Variants in SLC8A1 observed in about 807,000 individuals in gnomAD.
SLC8A1 encodes solute carrier family 8 member A1.
A neutral mutation model predicts 68.3 loss-of-function variants in SLC8A1; 18 were observed. That is an observed-to-expected ratio of 0.26 (90% CI 0.18 to 0.39). The LOEUF is 0.39. SLC8A1 is among the 10% of genes least tolerant of loss of function. SLC8A1 has a pLI of 1.00. For missense variants in SLC8A1, 985 were observed against 1,156.7 expected (o/e 0.85, Z 2.15); for synonymous variants, 475 against 415.5 (o/e 1.14, Z -1.74).
chr2:40,307,824 G>T (rs572960336), intron 2 of SLC8A1, among the ~76,000 whole-genome samples: 2 of 152,114 alleles, frequency 1.3e-5, no homozygotes, highest in Admixed American at 6.6e-5. Context: ...CTTCCAGGGG[G>T]AAATGGATAG....
chr2:40,489,357 A>G (rs1705173870), intron 1 of SLC8A1, among the ~76,000 whole-genome samples: 1 of 152,176 alleles, frequency 6.6e-6, no homozygotes, highest in Non-Finnish European at 1.5e-5. Context: ...ACATGTATTA[A>G]GGTGAACATG....
intron 2 of SLC8A1, among the ~76,000 whole-genome samples, chr2:40,274,218 T>C (rs1364997688): frequency 2.0e-5 from 3 of 148,534 alleles, no homozygotes; most frequent in African/African-American, 7.5e-5. Flanking sequence ...ATTTGCATAC[T>C]AGATTTCTAC....
At chr2:40,503,925 T>C (rs185202480) in intron 1 of SLC8A1, among the ~76,000 whole-genome samples, 5 of 152,094 alleles carry the variant, frequency 3.3e-5, no homozygotes, top group African/African-American at 9.6e-5. Context: ...AAAATGCCGA[T>C]GACATTCTTC....
intron 2 of SLC8A1, among the ~76,000 whole-genome samples, chr2:40,302,599 G>A (rs2071730560): frequency 6.8e-6 from 1 of 147,802 alleles, no homozygotes; most frequent in African/African-American, 2.5e-5. Context: ...ACATATGTAT[G>A]ATATATATAT....
chr2:40,241,579 C>A (rs1372081892), intron 2 of SLC8A1, among the ~76,000 whole-genome samples: 1 of 152,206 alleles, frequency 6.6e-6, no homozygotes, highest in Non-Finnish European at 1.5e-5. Flanking sequence ...CCCCTTTGAC[C>A]TCTTCTTTGC....
chr2:40,298,289 C>G (rs1355040520), intron 2 of SLC8A1, among the ~76,000 whole-genome samples: 1 of 152,202 alleles, frequency 6.6e-6, no homozygotes, highest in Non-Finnish European at 1.5e-5. Context: ...CTTTGTCCAG[C>G]AAACTGCTTC....
At chr2:40,451,420 G>T (rs1040086583) in intron 1 of SLC8A1, among the ~76,000 whole-genome samples, 1 of 152,162 alleles carries the variant, frequency 6.6e-6, no homozygotes, top group African/African-American at 2.4e-5. Flanking sequence ...AAAACAGGGG[G>T]CTCGGAAATG....
At chr2:40,407,733 G>C (rs985337631) in intron 2 of SLC8A1, among the ~76,000 whole-genome samples, 4 of 152,144 alleles carry the variant, frequency 2.6e-5, no homozygotes, top group Admixed American at 2.6e-4. Flanking sequence ...CAACTTCCTG[G>C]CACTTTGTGA....
At chr2:40,342,507 G>T (rs929269130) in intron 2 of SLC8A1, among the ~76,000 whole-genome samples, 2 of 152,118 alleles carry the variant, frequency 1.3e-5, no homozygotes, top group African/African-American at 4.8e-5. Context: ...AAGTAAATGG[G>T]AAGAAAGATG....
In SLC8A1 at chr2:40,424,219, C is replaced by T. The variant is rs181192298; in HGVS notation, c.1808+4254G>A. Among the ~76,000 whole-genome samples the T allele has an allele frequency of 4.0e-4, 60 of 151,754 alleles. 1 individual carries two copies. In the East Asian group the frequency reaches 0.011, roughly 27 times the overall value. The stretch of plus-strand genomic sequence containing the variant: ...ATTTCTGATTTCTCCACACAATTAT[C>T]CTTCTGTTCTGATCACTTCAAATTT... On this transcript the variant is annotated intron_variant, in intron 2 of 7. Coordinates refer to ENST00000406785, the Ensembl canonical transcript of SLC8A1.
At chr2:40,446,170 C>T (rs1018741998) in intron 1 of SLC8A1, among the ~76,000 whole-genome samples, 1 of 152,194 alleles carries the variant, frequency 6.6e-6, no homozygotes, top group Non-Finnish European at 1.5e-5. Flanking sequence ...AGAATCATCA[C>T]CTTTAATAAA....
intron 2 of SLC8A1, among the ~76,000 whole-genome samples, chr2:40,249,637 T>C (rs185654840): frequency 1.8e-5 from 2 of 113,932 alleles, no homozygotes; most frequent in African/African-American, 7.8e-5. Flanking sequence ...TTGGCTTTGT[T>C]TTTTGTAAAT....
At chr2:40,421,611 G>GTTTC (rs1164452996) in intron 2 of SLC8A1, among the ~76,000 whole-genome samples, 1 of 152,162 alleles carries the variant, frequency 6.6e-6, no homozygotes. Flanking sequence ...GCACCAGCCT[G>GTTTC]AAAGGTGAGG....
upstream of SLC8A1, among the ~76,000 whole-genome samples, chr2:40,452,876 C>A (rs571986674): frequency 6.6e-5 from 10 of 152,072 alleles, no homozygotes; most frequent in South Asian, 1.0e-3. Flanking sequence ...GTGTGAAAGG[C>A]GTGCTGGTTT....
intron 1 of SLC8A1, among the ~76,000 whole-genome samples, chr2:40,483,541 AAC>A (rs1704774814): frequency 6.6e-6 from 1 of 152,202 alleles, no homozygotes; most frequent in African/African-American, 2.4e-5. Flanking sequence ...AGAAAAAACT[AAC>A]AGAGACTGCT....
At chr2:40,405,297 C>A (rs1046273210) in intron 2 of SLC8A1, among the ~76,000 whole-genome samples, 1 of 152,192 alleles carries the variant, frequency 6.6e-6, no homozygotes, top group African/African-American at 2.4e-5. Flanking sequence ...CATACACCTA[C>A]AATTGCTAAA....
intron 6 of SLC8A1, among the ~76,000 whole-genome samples, chr2:40,140,124 T>C (rs1299206021): frequency 6.6e-6 from 1 of 152,294 alleles, no homozygotes; most frequent in East Asian, 1.9e-4. Context: ...GGTTATATAA[T>C]CACCTACAGG....
At chr2:40,147,605 C>T (rs935794561) in intron 6 of SLC8A1, among the ~76,000 whole-genome samples, 4 of 152,174 alleles carry the variant, frequency 2.6e-5, no homozygotes, top group African/African-American at 9.7e-5. Flanking sequence ...ATATCACCAG[C>T]TGTGTCTAAA....
At chr2:40,246,389 C>G (rs773808554) in intron 2 of SLC8A1, among the ~76,000 whole-genome samples, 17 of 152,180 alleles carry the variant, frequency 1.1e-4, no homozygotes, top group Non-Finnish European at 2.2e-4. Context: ...AATAGGGCAA[C>G]TAAATTTTTT....
Sources: gnomAD v4.1 joint callset for allele counts (sites outside exome capture counted in the v4.1 genomes callset) on GRCh38, gnomAD v4.1.1 for gene constraint, MANE v1.5 for transcripts, NCBI Gene and HGNC (gene_info 2026-07-23, HGNC 2026-07-21) for gene names.